Variants in DLG2 observed in about 807,000 individuals in gnomAD.
DLG2 encodes disks large homolog 2.
A neutral mutation model predicts 132.5 loss-of-function variants in DLG2; 45 were observed. That is an observed-to-expected ratio of 0.34 (90% confidence interval 0.27 to 0.44). DLG2 has a LOEUF of 0.44. DLG2 is among the 20% of genes least tolerant of loss of function. DLG2 has a pLI of 1.00. For missense variants in DLG2, 1,045 were observed against 1,196.9 expected (o/e 0.87, Z 1.87); for synonymous variants, 424 against 419.6 (o/e 1.01, Z -0.13).
intron 16 of DLG2, among the ~76,000 whole-genome samples, chr11:83,863,731 G>A (rs778207919): frequency 1.1e-4 from 17 of 152,034 alleles, no homozygotes; most frequent in Non-Finnish European, 2.2e-4. Context: ...GACTCAGAAA[G>A]GTTTAGTAAC....
chr11:84,364,920 T>C (rs1044470556), intron 7 of DLG2, among the ~76,000 whole-genome samples: 15 of 152,146 alleles, frequency 9.9e-5, no homozygotes, highest in Non-Finnish European at 1.6e-4. Context: ...TTGCCAGTAT[T>C]TTATTGAGGA....
chr11:85,501,851 A>G (rs2093811860), intron 3 of DLG2, among the ~76,000 whole-genome samples: 1 of 152,298 alleles, frequency 6.6e-6, no homozygotes, highest in Non-Finnish European at 1.5e-5. Context: ...ATTGTGGAAG[A>G]CAGTGTGGCA....
At chr11:83,808,227 T>C (rs887139123) in intron 17 of DLG2, among the ~76,000 whole-genome samples, 1 of 152,164 alleles carries the variant, frequency 6.6e-6, no homozygotes, top group Non-Finnish European at 1.5e-5. Flanking sequence ...CCTCAACAGC[T>C]CTGCCACTTT....
In DLG2 at chr11:84,062,268, T is replaced by G. The variant is rs12574301; in HGVS notation, c.750-2784A>C. The stretch of plus-strand genomic sequence containing the variant: ...GGATTTGAGTCTCAGTTCTTCATCA[T>G]CTGTGGGACCACGGTGAGGCCACTT... On this transcript the variant is annotated intron_variant, in intron 10 of 27. Transcript: ENST00000376104. 3.9e-5 allele frequency among the ~76,000 whole-genome samples: 6 copies of G among 152,130 alleles called. No homozygotes were observed. In the East Asian group the frequency reaches 9.7e-4, roughly 25 times the overall value.
chr11:85,341,767 G>A (rs145117739), intron 3 of DLG2, among the ~76,000 whole-genome samples: 324 of 152,266 alleles, frequency 2.1e-3, no homozygotes, highest in Non-Finnish European at 3.8e-3. Flanking sequence ...AAATCATAGA[G>A]TGTACTTACA....
At chr11:85,356,144 A>G (rs796297503) in intron 3 of DLG2, among the ~76,000 whole-genome samples, 5 of 152,364 alleles carry the variant, frequency 3.3e-5, no homozygotes, top group African/African-American at 1.2e-4. Flanking sequence ...CAGAAGAGCC[A>G]CAGACTCTCC....
chr11:83,736,716 G>C (rs980575255), intron 18 of DLG2, among the ~76,000 whole-genome samples: 3 of 152,042 alleles, frequency 2.0e-5, no homozygotes, highest in Admixed American at 1.3e-4. Context: ...CTTCTCTAGA[G>C]CATTGCCCTA....
intron 3 of DLG2, among the ~76,000 whole-genome samples, chr11:85,536,538 C>T (rs1309130267): frequency 6.6e-6 from 1 of 152,240 alleles, no homozygotes; most frequent in Admixed American, 6.5e-5. Flanking sequence ...GAGCCCTTCA[C>T]CCTGTTGCTG....
chr11:83,686,702 GT>G (rs925746629), intron 18 of DLG2, among the ~76,000 whole-genome samples: 1 of 152,044 alleles, frequency 6.6e-6, no homozygotes, highest in Non-Finnish European at 1.5e-5. Context: ...ATTATAACTT[GT>G]TTTTTAAAAA....
intron 6 of DLG2, among the ~76,000 whole-genome samples, chr11:84,996,172 A>G (rs1332045289): frequency 6.6e-6 from 1 of 152,056 alleles, no homozygotes. Context: ...TATTTTCATT[A>G]TGATGTACCT....
At chr11:85,024,433 T>G (rs183472243) in intron 6 of DLG2, among the ~76,000 whole-genome samples, 3 of 152,314 alleles carry the variant, frequency 2.0e-5, no homozygotes, top group East Asian at 1.9e-4. Context: ...ACAGACCAAG[T>G]AGAAAACTGT....
At chr11:84,832,513 G>A (rs1451506690) in intron 6 of DLG2, among the ~76,000 whole-genome samples, 1 of 151,616 alleles carries the variant, frequency 6.6e-6, no homozygotes, top group Non-Finnish European at 1.5e-5. Flanking sequence ...ACGGAAAAGT[G>A]CAGAGGAAGG....
chr11:84,719,912 GT>G (rs2061605684), intron 6 of DLG2, among the ~76,000 whole-genome samples: 1 of 152,140 alleles, frequency 6.6e-6, no homozygotes, highest in South Asian at 2.1e-4. Flanking sequence ...AGCCCAGTGG[GT>G]TGGGGCTCTA....
At chr11:83,571,029 T>C (rs1490867488) in intron 19 of DLG2, among the ~76,000 whole-genome samples, 1 of 151,964 alleles carries the variant, frequency 6.6e-6, no homozygotes, top group African/African-American at 2.4e-5. Context: ...ATTACAGGCA[T>C]GCACCACCAC....
At chr11:85,610,569 C>T (rs1297854347) in intron 2 of DLG2, among the ~76,000 whole-genome samples, 1 of 152,204 alleles carries the variant, frequency 6.6e-6, no homozygotes, top group African/African-American at 2.4e-5. Context: ...TGGTCAGGCA[C>T]TGGCCCAAGA....
intron 3 of DLG2, among the ~76,000 whole-genome samples, chr11:85,570,093 A>G (rs1382351062): frequency 1.3e-5 from 2 of 152,184 alleles, no homozygotes; most frequent in African/African-American, 4.8e-5. Context: ...ACAAACCTAC[A>G]TATGTGCCTC....
At chr11:85,213,643 C>A (rs1049664162) in intron 4 of DLG2, among the ~76,000 whole-genome samples, 1 of 152,108 alleles carries the variant, frequency 6.6e-6, no homozygotes, top group Non-Finnish European at 1.5e-5. Context: ...AGCCTAAGTT[C>A]TCTGTTGATG....
At chr11:83,611,494 GT>G (rs907759724) in intron 19 of DLG2, among the ~76,000 whole-genome samples, 3 of 152,132 alleles carry the variant, frequency 2.0e-5, no homozygotes, top group East Asian at 1.9e-4. Flanking sequence ...GACAAGCTTT[GT>G]TTTTTGCTTT....
intron 6 of DLG2, among the ~76,000 whole-genome samples, chr11:85,075,226 G>A (rs919621308): frequency 6.6e-6 from 1 of 151,874 alleles, no homozygotes. Flanking sequence ...ATGTAAATTT[G>A]TACAGCCACT....
Sources: gnomAD v4.1 joint callset for allele counts (sites outside exome capture counted in the v4.1 genomes callset) on GRCh38, gnomAD v4.1.1 for gene constraint, MANE v1.5 for transcripts, NCBI Gene and HGNC (gene_info 2026-07-23, HGNC 2026-07-21) for gene names.